Variants in TBCD observed in about 807,000 individuals in gnomAD.
TBCD encodes the protein tubulin-specific chaperone D.
Under a neutral mutation model 169.3 loss-of-function variants are expected in TBCD, and 105 were observed. The observed-to-expected ratio is 0.62, with a 90% CI of 0.53 to 0.73. TBCD has a LOEUF of 0.73. Ranked by LOEUF, TBCD falls within the 30% of genes least tolerant of loss-of-function variation. The pLI is 0.00. For missense variants in TBCD, 1,444 were observed against 1,600.1 expected (o/e 0.90, Z 1.66); for synonymous variants, 700 against 643.9 (o/e 1.09, Z -1.32).
intron 13 of TBCD, among the ~76,000 whole-genome samples, chr17:82,860,842 G>A (rs1330465360): frequency 2.0e-5 from 3 of 152,208 alleles, no homozygotes; most frequent in African/African-American, 4.8e-5. Context: ...AGGGAGGCCA[G>A]GAGGCCCTTG....
chr17:82,793,705 T>C (rs1598526906), intron 7 of TBCD, among the ~76,000 whole-genome samples: 1 of 152,086 alleles, frequency 6.6e-6, no homozygotes, highest in Admixed American at 6.5e-5. Flanking sequence ...AAGGGTTGTT[T>C]TGGTGTTAAA....
At chr17:82,807,373 G>A (rs189689900) in intron 10 of TBCD, among the ~76,000 whole-genome samples, 26 of 152,332 alleles carry the variant, frequency 1.7e-4, no homozygotes, top group African/African-American at 4.6e-4. Flanking sequence ...CCCTGTAGCC[G>A]GCTTTAATGG....
At chr17:82,837,981 T>A (rs1452696674) in intron 13 of TBCD, among the ~76,000 whole-genome samples, 1 of 152,256 alleles carries the variant, frequency 6.6e-6, no homozygotes, top group East Asian at 1.9e-4. Flanking sequence ...TTTCTTGCCA[T>A]ATTTACAGAT....
chr17:82,879,230 G>A (rs1287393535), intron 14 of TBCD, among the ~76,000 whole-genome samples: 1 of 151,680 alleles, frequency 6.6e-6, no homozygotes, highest in African/African-American at 2.4e-5. Context: ...AGGACGCCGG[G>A]CTTGGCCTCA....
At chr17:82,763,915 T>C (rs2143952220) in intron 2 of TBCD, 50 bp from the exon 3 acceptor site, 2 of 1,528,020 alleles carry the variant, frequency 1.3e-6, no homozygotes, top group East Asian at 4.5e-5. Context: ...GGCCTCAATG[T>C]CATGTTGATG....
At chr17:82,755,677 T>C (rs1315096183) in intron 1 of TBCD, among the ~76,000 whole-genome samples, 5 of 152,108 alleles carry the variant, frequency 3.3e-5, no homozygotes, top group Non-Finnish European at 7.3e-5. Context: ...CAGGTTAAGT[T>C]TGGAATGCCC....
Position 82,831,880 on chromosome 17 carries a change from ACG to A in TBCD, c.1318+16947_1318+16948del. 6.2e-7 allele frequency: 1 copy of A among 1,614,082 alleles called. No individual in the cohort carries two copies. The highest frequency in any genetic ancestry group is 8.5e-7 in the Non-Finnish European group (1 of 1,179,996). On this transcript the variant is annotated intron_variant, in intron 13 of 38. Transcript: ENST00000355528. The surrounding 1 kb of genome is among the most constrained non-coding windows in gnomAD (Gnocchi z 4.6). The stretch of plus-strand genomic sequence containing the variant: ...GAAGGCCGACTTGGTGTGGAAAGAC[ACG>A]GCCTTGGCAGTGGGGTTGTGTAAAG...
chr17:82,906,836 T>TG (rs758770230), intron 20 of TBCD, among the ~76,000 whole-genome samples: 3 of 152,154 alleles, frequency 2.0e-5, no homozygotes, highest in Non-Finnish European at 2.9e-5. Context: ...CGCTCGCTCG[T>TG]GTGGGTGCAG....
At chr17:82,807,743 C>T in intron 11 of TBCD, 75 bp downstream of exon 11, 1 of 1,226,566 alleles carries the variant, frequency 8.2e-7, no homozygotes, top group Non-Finnish European at 1.1e-6. Context: ...GCTACAAATA[C>T]CCAACAGCTT....
At chr17:82,836,954 A>G (rs1345391776) in intron 13 of TBCD, among the ~76,000 whole-genome samples, 1 of 152,076 alleles carries the variant, frequency 6.6e-6, no homozygotes, top group East Asian at 1.9e-4. Context: ...GAGTGTTTGG[A>G]GCTCAATTGC....
chr17:82,855,477 A>G (rs2056195670), intron 13 of TBCD, among the ~76,000 whole-genome samples: 1 of 151,760 alleles, frequency 6.6e-6, no homozygotes, highest in African/African-American at 2.4e-5. Context: ...TATGTTGCCC[A>G]GGCTGGTCAC....
At position 82,940,772 on chromosome 17, in the gene TBCD, C is replaced by A. The variant is rs11869816; in HGVS notation, c.3480-627C>A. ...CAATGATTTTTTTAAAAAAAAACACCAAGGTGCATTCTGGACCAGATTCTA... is the reference window on the plus strand; with the variant it reads ...CAATGATTTTTTTAAAAAAAAACACAAAGGTGCATTCTGGACCAGATTCTA... On this transcript the variant is annotated intron_variant, in intron 37 of 38. Coordinates refer to ENST00000355528, the MANE Select transcript of TBCD (RefSeq NM_005993.5). 2.6e-5 allele frequency among the ~76,000 whole-genome samples: 4 copies of A among 152,024 alleles called. 1 individual carries two copies. The South Asian group carries it at 6.2e-4, about 24-fold the overall frequency.
intron 7 of TBCD, among the ~76,000 whole-genome samples, chr17:82,783,776 C>G (rs115812355): frequency 0.02 from 3,093 of 152,270 alleles, 122 homozygotes; most frequent in African/African-American, 0.071. Context: ...TGGGTATTTT[C>G]TGCTCTTACA....
Position 82,890,311 on chromosome 17 carries a change from C to CG in TBCD, c.1563+618dup. ...GTGGGACAGAGGCCGGAGAGGGGAC[C>CG]GGGGTCTGGGCTGGACCTGGGCGGG... On this transcript the variant is annotated intron_variant, in intron 16 of 38. Transcript: ENST00000355528. This position sits in a 1 kb window ranked among gnomAD's most constrained non-coding sequence, Gnocchi z 5.3. 6.6e-6 allele frequency among the ~76,000 whole-genome samples: 1 copy of CG among 152,248 alleles called. No individual in the cohort carries two copies. Among genetic ancestry groups the CG allele is most frequent in the South Asian group, 2.1e-4 (1 of 4,830 alleles).
At chr17:82,817,557 A>C (rs2052029285) in intron 13 of TBCD, among the ~76,000 whole-genome samples, 1 of 152,174 alleles carries the variant, frequency 6.6e-6, no homozygotes, top group Non-Finnish European at 1.5e-5. Context: ...TCAGCCTCCC[A>C]AAGTGCTAGG....
At chr17:82,939,565 C>T in intron 37 of TBCD, 89 bp downstream of exon 37, 4 of 1,058,844 alleles carry the variant, frequency 3.8e-6, no homozygotes, top group East Asian at 2.6e-5. Context: ...CTCCCAAAAC[C>T]CTCTGATAGG....
intron 30 of TBCD, among the ~76,000 whole-genome samples, 173 bp from the exon 31 acceptor site, chr17:82,928,940 T>C (rs116380991): frequency 0.012 from 1,777 of 152,300 alleles, 51 homozygotes; most frequent in African/African-American, 0.041. Context: ...AGTGTGGTTC[T>C]TCCGAGCCAG....
chr17:82,782,758 T>C lies in TBCD; in HGVS notation c.771+1037T>C, dbSNP rs146831649. ...AGCATCGTCTTCCTATCCGCGGCATTGTCTTCCTATCCGCGGCGTTGTCTT... is the reference window on the plus strand; with the variant it reads ...AGCATCGTCTTCCTATCCGCGGCATCGTCTTCCTATCCGCGGCGTTGTCTT... On this transcript the variant is annotated intron_variant, in intron 7 of 38. Coordinates refer to ENST00000355528, the MANE Select transcript of TBCD (RefSeq NM_005993.5). This position sits in a 1 kb window ranked among gnomAD's most constrained non-coding sequence, Gnocchi z 5.1. Among the ~76,000 whole-genome samples, 1 of 144,850 alleles carries C rather than the reference T, an allele frequency of 6.9e-6. No homozygotes were observed. Among genetic ancestry groups the C allele is most frequent in the African/African-American group, 2.8e-5 (1 of 35,112 alleles).
intron 14 of TBCD, among the ~76,000 whole-genome samples, chr17:82,872,954 CG>C (rs2057706103): frequency 6.9e-6 from 1 of 144,468 alleles, no homozygotes; most frequent in African/African-American, 2.8e-5. Flanking sequence ...CCCGGCACCT[CG>C]TGGCCGACGG....
Sources: allele counts gnomAD v4.1 joint callset (sites outside exome capture counted in the v4.1 genomes callset), GRCh38; gene constraint gnomAD v4.1.1; non-coding constraint Gnocchi (gnomAD v3.1); transcripts MANE v1.5; gene names NCBI Gene and HGNC (gene_info 2026-07-23, HGNC 2026-07-21).